The following RHEX variants were observed in gnomAD, a reference collection of about 807,000 sequenced individuals.
RHEX encodes the protein regulator of hemoglobinization and erythroid cell expansion.
Under a neutral mutation model 20.1 loss-of-function variants are expected in RHEX, and 18 were observed. The observed-to-expected ratio is 0.90, with a 90% CI of 0.62 to 1.33. The LOEUF (loss-of-function observed/expected upper bound fraction) is 1.33. RHEX is among the 40% of genes most tolerant of loss of function. RHEX has a pLI of 0.00. For synonymous variants in RHEX, 87 were observed against 77.1 expected (o/e 1.13, Z -0.67); for missense variants, 192 against 214.3 (o/e 0.90, Z 0.65).
intron 1 of RHEX, among the ~76,000 whole-genome samples, chr1:206,059,039 C>T (rs2102304070): frequency 6.6e-6 from 1 of 152,266 alleles, no homozygotes; most frequent in East Asian, 1.9e-4. Flanking sequence ...CTCATGCTAT[C>T]TCCCTCCTGC....
At position 206,099,716 on chromosome 1, in the gene RHEX, C is replaced by A; in HGVS notation, c.174C>A (p.Gly58=). Residue 58 remains glycine (G), a synonymous_variant, in exon 4 of 6, where the codon GGC becomes GGA. Transcript: ENST00000331555. ...ASLQVPRPSP[G]HHHPPAVKEM... is the part of the protein sequence containing the mutation. ...TCCAGGTTCCCAGGCCCAGCCCTGGCCACCATCATCCACCTGCTGTCAAAG... is the reference window on the plus strand; with the variant it reads ...TCCAGGTTCCCAGGCCCAGCCCTGGACACCATCATCCACCTGCTGTCAAAG... 6.2e-7 allele frequency: 1 copy of A among 1,613,754 alleles called. No homozygotes were observed. The highest frequency in any genetic ancestry group is 8.5e-7 in the Non-Finnish European group (1 of 1,179,646).
At chr1:206,075,466 C>A (rs28814626) in intron 1 of RHEX, among the ~76,000 whole-genome samples, 1 of 151,910 alleles carries the variant, frequency 6.6e-6, no homozygotes, top group African/African-American at 2.4e-5. Flanking sequence ...AACAGGCTGG[C>A]GGCAGAAATT....
chr1:206,092,817 G>A (rs2102326393), intron 1 of RHEX, among the ~76,000 whole-genome samples: 1 of 152,270 alleles, frequency 6.6e-6, no homozygotes, highest in African/African-American at 2.4e-5. Flanking sequence ...ATATTAAACT[G>A]GGAGAGAAAG....
At position 206,096,786 on chromosome 1, in the gene RHEX, T is replaced by G. The variant is rs28564161; in HGVS notation, c.-96-947T>G. The stretch of plus-strand genomic sequence containing the variant: ...CCCTGTTTTTTTTTTTTTTGGTTTT[T>G]TTTTTTGAGACAGGGTCTTGCTCTG... On this transcript the variant is annotated intron_variant, in intron 1 of 5. Coordinates refer to ENST00000331555, the MANE Select transcript of RHEX (RefSeq NM_001007544.4). Among the ~76,000 whole-genome samples the G allele has an allele frequency of 1.1e-3, 164 of 149,110 alleles. 4 individuals are homozygous for G. The highest frequency in any genetic ancestry group is 6.8e-3 in the East Asian group (34 of 4,978).
intron 4 of RHEX, 41 bp downstream of exon 4, chr1:206,099,839 C>T (rs2102331052): frequency 1.2e-6 from 2 of 1,601,232 alleles, no homozygotes; most frequent in Non-Finnish European, 1.7e-6. Flanking sequence ...TAGGGACTAA[C>T]TTTGCTCTCT....
chr1:206,057,147 C>G (rs1662209724), intron 1 of RHEX, among the ~76,000 whole-genome samples: 1 of 152,260 alleles, frequency 6.6e-6, no homozygotes, highest in Non-Finnish European at 1.5e-5. Context: ...ACTAAATGTG[C>G]CAGTACCTGA....
intron 1 of RHEX, among the ~76,000 whole-genome samples, chr1:206,069,991 C>T (rs138963802): frequency 4.4e-4 from 67 of 151,690 alleles, no homozygotes; most frequent in African/African-American, 1.5e-3. Context: ...ATAAATTCAC[C>T]GTTACTTTTT....
intron 1 of RHEX, among the ~76,000 whole-genome samples, chr1:206,088,221 T>C (rs374411327): frequency 3.5e-3 from 532 of 152,284 alleles, no homozygotes; most frequent in Middle Eastern, 6.8e-3. Flanking sequence ...GTATAACAAA[T>C]GAAATAAAAC....
At chr1:206,079,489 A>C (rs186499834) in intron 1 of RHEX, among the ~76,000 whole-genome samples, 291 of 152,258 alleles carry the variant, frequency 1.9e-3, no homozygotes, top group African/African-American at 6.9e-3. Context: ...CAATAGTAAA[A>C]CCCTGGGAAT....
chr1:206,097,699 C>T, intron 1 of RHEX, 34 bp from the exon 2 acceptor site: 1 of 1,418,852 alleles, frequency 7.0e-7, no homozygotes, highest in Non-Finnish European at 9.9e-7. Flanking sequence ...TATAAAGAGC[C>T]CTGGAGTCCT....
At chr1:206,064,671 C>T (rs1303434376) in intron 1 of RHEX, among the ~76,000 whole-genome samples, 5 of 150,042 alleles carry the variant, frequency 3.3e-5, no homozygotes, top group Non-Finnish European at 7.4e-5. Context: ...CAGCCCCCCG[C>T]CCGGCCAGCC....
At chr1:206,078,354 A>G (rs1662673028) in intron 1 of RHEX, among the ~76,000 whole-genome samples, 1 of 152,166 alleles carries the variant, frequency 6.6e-6, no homozygotes, top group Non-Finnish European at 1.5e-5. Flanking sequence ...AGCTTAGGCA[A>G]CATAGTGAGA....
At chr1:206,078,791 G>T (rs1266298419) in intron 1 of RHEX, among the ~76,000 whole-genome samples, 1 of 152,006 alleles carries the variant, frequency 6.6e-6, no homozygotes, top group African/African-American at 2.4e-5. Flanking sequence ...GCCTGGGGGG[G>T]CAAGAAACAA....
chr1:206,101,702 C>G (rs782514371), intron 5 of RHEX, 50 bp from the exon 6 acceptor site: 13 of 1,435,088 alleles, frequency 9.1e-6, no homozygotes, highest in African/African-American at 1.4e-5. Flanking sequence ...TCTTATTTCC[C>G]CCAAACGTGG....
At chr1:206,089,879 A>G (rs1245043186) in intron 1 of RHEX, among the ~76,000 whole-genome samples, 1 of 152,122 alleles carries the variant, frequency 6.6e-6, no homozygotes, top group Non-Finnish European at 1.5e-5. Flanking sequence ...GATTTAACAA[A>G]TATTATTAAA....
At chr1:206,093,756 AG>A (rs1663007793) in intron 1 of RHEX, among the ~76,000 whole-genome samples, 1 of 152,124 alleles carries the variant, frequency 6.6e-6, no homozygotes, top group Non-Finnish European at 1.5e-5. Context: ...TCAGTGGAGG[AG>A]GGAAACTTAA....
Position 206,054,249 on chromosome 1 carries a change from G to A in RHEX, c.-97+984G>A, listed in dbSNP as rs189852051. Among the ~76,000 whole-genome samples the A allele has an allele frequency of 1.7e-3, 256 of 152,226 alleles. 2 individuals are homozygous for A. Among genetic ancestry groups the A allele is most frequent in the Admixed American group, 4.3e-3 (65 of 15,292 alleles). The stretch of plus-strand genomic sequence containing the variant: ...AAAAATGTTTGTAATAAGTCAGAAA[G>A]TTGAGACACATTGAAGAATTGTCGG... On this transcript the variant is annotated intron_variant, in intron 1 of 5. Transcript: ENST00000331555.
At chr1:206,058,791 A>G (rs1662249704) in intron 1 of RHEX, among the ~76,000 whole-genome samples, 1 of 152,152 alleles carries the variant, frequency 6.6e-6, no homozygotes, top group African/African-American at 2.4e-5. Flanking sequence ...AAGGGACGGA[A>G]ATTGTGCATT....
At chr1:206,072,923 C>G (rs782737636) in intron 1 of RHEX, among the ~76,000 whole-genome samples, 3 of 149,516 alleles carry the variant, frequency 2.0e-5, no homozygotes, top group Non-Finnish European at 1.5e-5. Flanking sequence ...CCTTAACCTT[C>G]TGGACTCAAG....
Sources: gnomAD v4.1 joint callset for allele counts (sites outside exome capture counted in the v4.1 genomes callset) on GRCh38, gnomAD v4.1.1 for gene constraint, MANE v1.5 for transcripts, NCBI Gene and HGNC (gene_info 2026-07-23, HGNC 2026-07-21) for gene names.